The following DAGLB variants were observed in gnomAD, a reference collection of about 807,000 sequenced individuals.
DAGLB encodes the protein diacylglycerol lipase beta.
In DAGLB, 66 loss-of-function variants were observed where a neutral mutation model predicts 72.1. The observed-to-expected ratio is 0.92, with a 90% CI of 0.75 to 1.12. The LOEUF (loss-of-function observed/expected upper bound fraction) is 1.12, where lower values mean the gene tolerates loss of function less well. DAGLB is among the 50% of genes most tolerant of loss of function. The probability of loss-of-function intolerance (pLI) is 0.00; values close to 1 mark genes in which losing one functional copy is unlikely to be tolerated. For missense variants in DAGLB, 1,065 were observed against 884.9 expected, an observed-to-expected ratio of 1.20 and a Z score of -2.58; for synonymous variants, 414 against 359.5, an observed-to-expected ratio of 1.15 and a Z score of -1.71.
chr7:6,445,859 G>A, intron 2 of DAGLB, 94 bp downstream of exon 2: 2 of 1,356,968 alleles, frequency 1.5e-6, no homozygotes, highest in Non-Finnish European at 2.0e-6. Context: ...CTGTTGAATT[G>A]GAAAGTTTAC....
chr7:6,446,400 C>T (rs1373148720), intron 1 of DAGLB, among the ~76,000 whole-genome samples: 2 of 127,574 alleles, frequency 1.6e-5, no homozygotes, highest in Admixed American at 2.0e-4. Context: ...ATTGCTTGAA[C>T]CTGGGACGTG....
intron 9 of DAGLB, among the ~76,000 whole-genome samples, chr7:6,419,284 C>T (rs1348797166): frequency 1.3e-5 from 2 of 152,080 alleles, no homozygotes; most frequent in Admixed American, 1.3e-4. Context: ...GTGTGAGCCA[C>T]TGCACCCGGC....
Position 6,416,733 on chromosome 7 carries a change from C to T in DAGLB, c.1321G>A (p.Gly441Ser), listed in dbSNP as rs775015253. ...IAPEYRLVIV[G>S]HSLGGGAAAL... The stretch of plus-strand genomic sequence containing the variant: ...GCCGCCCCGCCCCCGAGGCTGTGGC[C>T]CACTATGACCAGCCGGTACTCCTAG... The change falls in exon 11 of 15, where the codon GGC becomes AGC. Residue 441 changes from glycine (G) to serine (S), a missense_variant. Gly to Ser is a moderately conservative substitution (Grantham distance 56). Coordinates refer to ENST00000297056, the MANE Select transcript of DAGLB (RefSeq NM_139179.4). The T allele has an allele frequency of 6.2e-7, 1 of 1,613,684 alleles. No homozygotes were observed. Among genetic ancestry groups the T allele is most frequent in the South Asian group, 1.1e-5 (1 of 91,042 alleles).
chr7:6,411,564 T>C (rs1261357342), intron 13 of DAGLB, among the ~76,000 whole-genome samples: 2 of 152,160 alleles, frequency 1.3e-5, no homozygotes, highest in Non-Finnish European at 2.9e-5. Context: ...GAGGCTGCAA[T>C]GTGCCGAGAC....
intron 8 of DAGLB, among the ~76,000 whole-genome samples, chr7:6,423,547 CTGAG>C (rs1784202599): frequency 2.0e-5 from 3 of 152,126 alleles, no homozygotes; most frequent in South Asian, 4.1e-4. Context: ...CCTCAGCCTC[CTGAG>C]TATCTGGGAT....
Position 6,426,011 on chromosome 7 carries a change from T to C in DAGLB, c.1033A>G (p.Ile345Val). 6.2e-7 allele frequency: 1 copy of C among 1,614,130 alleles called. No individual in the cohort carries two copies. Among genetic ancestry groups the C allele is most frequent in the Non-Finnish European group, 8.5e-7 (1 of 1,180,008 alleles). ...HTTGLQYRDF[I>V]HVSFHDKVYE... Reference sequence around the variant, plus strand: ...ACCTTGTCATGGAAGCTGACGTGGATGAAGTCCCTGTACTGCAGCCCTGTG... The same window carrying C: ...ACCTTGTCATGGAAGCTGACGTGGACGAAGTCCCTGTACTGCAGCCCTGTG... Residue 345 changes from isoleucine to valine, a missense_variant, in exon 7 of 15, where the codon ATC becomes GTC. Coordinates refer to ENST00000297056, the MANE Select transcript of DAGLB (RefSeq NM_139179.4).
intron 9 of DAGLB, among the ~76,000 whole-genome samples, chr7:6,421,161 A>G (rs1163080756): frequency 1.3e-5 from 2 of 152,206 alleles, no homozygotes; most frequent in Non-Finnish European, 2.9e-5. Context: ...GAGAGAAGGA[A>G]AAGCCACAGA....
At chr7:6,417,181 G>A in intron 9 of DAGLB, 2 of 410,650 alleles carry the variant, frequency 4.9e-6, no homozygotes, top group South Asian at 5.2e-5. Context: ...GGACACTTGA[G>A]CCCAGGAGTT....
At chr7:6,435,192 A>C (rs775498578) in intron 3 of DAGLB, among the ~76,000 whole-genome samples, 172 bp from the exon 4 acceptor site, 14 of 152,274 alleles carry the variant, frequency 9.2e-5, no homozygotes, top group Middle Eastern at 3.4e-3. Flanking sequence ...TTTCTTCTAG[A>C]AAGTTCCTTA....
At chr7:6,414,680 A>G (rs796768801) in intron 11 of DAGLB, among the ~76,000 whole-genome samples, 20 of 152,164 alleles carry the variant, frequency 1.3e-4, no homozygotes, top group African/African-American at 4.1e-4. Flanking sequence ...CCTCTTTCCA[A>G]TGAAAAGGCC....
At chr7:6,424,317 C>G (rs1359452201) in intron 8 of DAGLB, among the ~76,000 whole-genome samples, 2 of 152,200 alleles carry the variant, frequency 1.3e-5, no homozygotes, top group African/African-American at 4.8e-5. Flanking sequence ...CCACGAGGGC[C>G]TGTGAGGATC....
At chr7:6,418,096 C>G (rs941239645) in intron 9 of DAGLB, among the ~76,000 whole-genome samples, 1 of 152,096 alleles carries the variant, frequency 6.6e-6, no homozygotes, top group African/African-American at 2.4e-5. Flanking sequence ...GTCTCGAACT[C>G]CTGACCTCGT....
chr7:6,431,618 A>G (rs1266967328), intron 5 of DAGLB, among the ~76,000 whole-genome samples: 1 of 152,060 alleles, frequency 6.6e-6, no homozygotes, highest in Non-Finnish European at 1.5e-5. Flanking sequence ...CTAAAAATAC[A>G]AAAATTAGCT....
At chr7:6,424,690 C>T (rs1286481970) in intron 8 of DAGLB, 62 bp downstream of exon 8, 3 of 1,512,194 alleles carry the variant, frequency 2.0e-6, no homozygotes, top group Middle Eastern at 1.8e-4. Context: ...CCCAGCCGAG[C>T]AGCTGTGGGC....
At chr7:6,413,187 A>T (rs576137004) in intron 11 of DAGLB, among the ~76,000 whole-genome samples, 153 bp from the exon 12 acceptor site, 1 of 152,306 alleles carries the variant, frequency 6.6e-6, no homozygotes, top group South Asian at 2.1e-4. Context: ...AACGTCAGTT[A>T]TGGCAACTCA....
At chr7:6,445,876 G>A (rs1026411702) in intron 2 of DAGLB, 77 bp downstream of exon 2, 5 of 1,445,836 alleles carry the variant, frequency 3.5e-6, no homozygotes, top group Admixed American at 4.6e-5. Context: ...TTACAGAAGT[G>A]AATTGTATGG....
intron 5 of DAGLB, among the ~76,000 whole-genome samples, chr7:6,432,587 G>A (rs899839425): frequency 7.9e-5 from 12 of 151,430 alleles, no homozygotes; most frequent in African/African-American, 2.9e-4. Flanking sequence ...GTGAACCTGG[G>A]AGGCAGAACT....
chr7:6,410,290 C>T lies in DAGLB; in HGVS notation c.1660G>A (p.Val554Ile). Residue 554 changes from valine (V) to isoleucine (I), a missense_variant, in exon 14 of 15, where the codon GTC becomes ATC. Val to Ile is a conservative substitution (Grantham distance 29, BLOSUM62 3). Coordinates refer to ENST00000297056, the MANE Select transcript of DAGLB (RefSeq NM_139179.4). ...TCCCCCAGAAGAGGCTGTGTCAGGA[C>T]TTCCTGGTCGCCCCCGTCCAGCTCC... ...PTELDGGDQEVLTQPLLGEQS... is the reference protein window; with the variant it reads ...PTELDGGDQEILTQPLLGEQS... The T allele has an allele frequency of 6.2e-7, 1 of 1,613,952 alleles. No individual in the cohort carries two copies. Among genetic ancestry groups the T allele is most frequent in the Non-Finnish European group, 8.5e-7 (1 of 1,179,928 alleles).
intron 13 of DAGLB, among the ~76,000 whole-genome samples, chr7:6,411,874 G>T (rs1562477099): frequency 6.6e-6 from 1 of 151,902 alleles, no homozygotes; most frequent in African/African-American, 2.4e-5. Context: ...TAATTTTTAA[G>T]TTTTTTTTCT....
Sources: allele counts gnomAD v4.1 joint callset (sites outside exome capture counted in the v4.1 genomes callset), GRCh38; gene constraint gnomAD v4.1.1; transcripts MANE v1.5; gene names NCBI Gene and HGNC (gene_info 2026-07-23, HGNC 2026-07-21).